Variants in EXOC4 observed in about 807,000 individuals in gnomAD.
EXOC4 encodes exocyst complex component 4.
A neutral mutation model predicts 107.2 loss-of-function variants in EXOC4; 71 were observed. That is an observed-to-expected ratio of 0.66 (90% CI 0.55 to 0.81). The LOEUF is 0.81. Among genes scored for constraint, EXOC4 ranks in the 30% least tolerant of loss-of-function variants. EXOC4 has a pLI of 0.00. For missense variants in EXOC4, 1,108 were observed against 1,189.6 expected, an observed-to-expected ratio of 0.93 and a Z score of 1.01; for synonymous variants, 456 against 441.2, an observed-to-expected ratio of 1.03 and a Z score of -0.42.
At chr7:133,707,407 T>G (rs1465857698) in intron 10 of EXOC4, among the ~76,000 whole-genome samples, 1 of 149,898 alleles carries the variant, frequency 6.7e-6, no homozygotes, top group Non-Finnish European at 1.5e-5. Flanking sequence ...AAATAAAAGA[T>G]GATAGAAAAG....
At chr7:133,790,152 C>T (rs1796673737) in intron 10 of EXOC4, among the ~76,000 whole-genome samples, 1 of 152,170 alleles carries the variant, frequency 6.6e-6, no homozygotes, top group Non-Finnish European at 1.5e-5. Flanking sequence ...GCAATATGGT[C>T]AATGAATCAG....
chr7:133,712,705 A>G (rs1316040697), intron 10 of EXOC4, among the ~76,000 whole-genome samples: 5 of 152,184 alleles, frequency 3.3e-5, no homozygotes, highest in Non-Finnish European at 5.9e-5. Flanking sequence ...AATAGCCCAA[A>G]TAGCCGTCAG....
chr7:133,710,622 T>A (rs886435543), intron 10 of EXOC4, among the ~76,000 whole-genome samples: 3 of 140,526 alleles, frequency 2.1e-5, no homozygotes, highest in African/African-American at 8.1e-5. Context: ...ATCCCGCCAC[T>A]GCACTCCAGC....
intron 10 of EXOC4, among the ~76,000 whole-genome samples, chr7:133,671,921 TTAG>T (rs1381800857): frequency 1.3e-5 from 2 of 152,208 alleles, no homozygotes; most frequent in African/African-American, 4.8e-5. Context: ...GACATCTCTA[TTAG>T]ATAGTCAAGT....
chr7:133,253,086 T>C lies in EXOC4; in HGVS notation c.-16T>C, dbSNP rs1487635085. On this transcript the variant is annotated 5_prime_UTR_variant, in exon 1 of 18. Transcript: ENST00000253861. The stretch of plus-strand genomic sequence containing the variant: ...CTTGGCTTCCTTGGAGCCTAGCGGC[T>C]CTCCCCGCGTCCAAGATGGCGGCAG... The C allele has an allele frequency of 3.1e-6, 5 of 1,613,730 alleles. No homozygotes were observed. The highest frequency in any genetic ancestry group is 3.3e-4 in the Middle Eastern group (2 of 6,084).
intron 14 of EXOC4, among the ~76,000 whole-genome samples, chr7:133,984,824 C>T (rs971512906): frequency 1.3e-5 from 2 of 152,040 alleles, no homozygotes; most frequent in African/African-American, 4.8e-5. Flanking sequence ...ACAACAACTC[C>T]CTAAGTTGTG....
chr7:133,282,889 G>A (rs1794189622), intron 2 of EXOC4, among the ~76,000 whole-genome samples: 2 of 152,242 alleles, frequency 1.3e-5, no homozygotes, highest in South Asian at 2.1e-4. Flanking sequence ...TACTTCTCTT[G>A]TCTAACTGAA....
chr7:133,516,394 T>C (rs1799875902), intron 9 of EXOC4, among the ~76,000 whole-genome samples: 1 of 152,182 alleles, frequency 6.6e-6, no homozygotes, highest in African/African-American at 2.4e-5. Context: ...GACAAAATTA[T>C]TCTGTCTCTA....
chr7:133,586,668 T>C (rs1173425771), intron 9 of EXOC4, among the ~76,000 whole-genome samples: 1 of 152,196 alleles, frequency 6.6e-6, no homozygotes, highest in East Asian at 1.9e-4. Context: ...AATAGACAGA[T>C]TGAATGGGAA....
intron 10 of EXOC4, among the ~76,000 whole-genome samples, chr7:133,746,663 A>C (rs535271672): frequency 6.6e-6 from 1 of 152,346 alleles, no homozygotes; most frequent in African/African-American, 2.4e-5. Flanking sequence ...TCTGTAATTC[A>C]GTGCTCATTT....
At chr7:133,763,864 T>C (rs1300810659) in intron 10 of EXOC4, among the ~76,000 whole-genome samples, 1 of 152,108 alleles carries the variant, frequency 6.6e-6, no homozygotes. Context: ...TTACTGGACA[T>C]TTCTGCTTTT....
intron 5 of EXOC4, among the ~76,000 whole-genome samples, chr7:133,322,172 G>C (rs888725845): frequency 2.0e-5 from 3 of 152,026 alleles, no homozygotes; most frequent in Admixed American, 2.0e-4. Flanking sequence ...TGTAGGTTGC[G>C]TGTTCACTCT....
At chr7:133,955,486 G>A (rs532583804) in intron 14 of EXOC4, among the ~76,000 whole-genome samples, 3 of 152,306 alleles carry the variant, frequency 2.0e-5, no homozygotes, top group African/African-American at 7.2e-5. Flanking sequence ...GCTTTTCTGG[G>A]CTTCAGAGGG....
intron 1 of EXOC4, among the ~76,000 whole-genome samples, chr7:133,268,424 G>A (rs1180902599): frequency 3.9e-5 from 6 of 152,094 alleles, no homozygotes; most frequent in African/African-American, 1.4e-4. Flanking sequence ...TTTGGTGACT[G>A]ACCTTATTTT....
At chr7:133,320,091 C>G (rs1795079344) in intron 5 of EXOC4, among the ~76,000 whole-genome samples, 1 of 152,084 alleles carries the variant, frequency 6.6e-6, no homozygotes, top group Non-Finnish European at 1.5e-5. Context: ...ACACAGTTGA[C>G]AAGTGGTTGT....
At chr7:133,333,661 AG>A (rs1200875125) in intron 5 of EXOC4, among the ~76,000 whole-genome samples, 1 of 152,212 alleles carries the variant, frequency 6.6e-6, no homozygotes, top group Non-Finnish European at 1.5e-5. Flanking sequence ...ATTTCTACAT[AG>A]ATCTGTATCT....
chr7:133,584,445 A>G (rs1444187390), intron 9 of EXOC4, among the ~76,000 whole-genome samples: 1 of 152,078 alleles, frequency 6.6e-6, no homozygotes, highest in Non-Finnish European at 1.5e-5. Context: ...TTCTCTGACA[A>G]TTAACTTTGC....
intron 1 of EXOC4, among the ~76,000 whole-genome samples, chr7:133,269,790 T>A (rs1441867491): frequency 1.3e-5 from 2 of 152,168 alleles, no homozygotes; most frequent in African/African-American, 4.8e-5. Context: ...TTTGGAAGTA[T>A]GTTGTATTCA....
At chr7:133,508,441 G>A (rs1340331612) in intron 9 of EXOC4, among the ~76,000 whole-genome samples, 1 of 152,172 alleles carries the variant, frequency 6.6e-6, no homozygotes, top group African/African-American at 2.4e-5. Context: ...AATGATGAAA[G>A]GTGATGCTAA....
Sources: gnomAD v4.1 joint callset for allele counts (sites outside exome capture counted in the v4.1 genomes callset) on GRCh38, gnomAD v4.1.1 for gene constraint, MANE v1.5 for transcripts, NCBI Gene and HGNC (gene_info 2026-07-23, HGNC 2026-07-21) for gene names.